Variants in UNC13C observed in about 807,000 individuals in gnomAD.
UNC13C encodes the protein unc-13 homolog C.
A neutral mutation model predicts 245.4 loss-of-function variants in UNC13C; 174 were observed. That is an observed-to-expected ratio of 0.71 (90% confidence interval 0.63 to 0.80). UNC13C has a LOEUF of 0.80. UNC13C is among the 30% of genes least tolerant of loss of function. The pLI is 0.00. For synonymous variants in UNC13C, 992 were observed against 895.1 expected (o/e 1.11, Z -1.93); for missense variants, 2,829 against 2,602.9 (o/e 1.09, Z -1.89).
intron 17 of UNC13C, among the ~76,000 whole-genome samples, chr15:54,379,030 T>C (rs2140895806): frequency 6.6e-6 from 1 of 152,156 alleles, no homozygotes; most frequent in African/African-American, 2.4e-5. Flanking sequence ...AATACTCTAA[T>C]ATATGGAAAT....
chr15:54,525,724 T>A, intron 25 of UNC13C, 87 bp downstream of exon 25: 1 of 1,087,398 alleles, frequency 9.2e-7, no homozygotes, highest in Non-Finnish European at 1.4e-6. Context: ...TTCCTCTGAC[T>A]GACTAAATCT....
At chr15:54,588,483 T>C (rs928326416) in intron 30 of UNC13C, among the ~76,000 whole-genome samples, 2 of 152,186 alleles carry the variant, frequency 1.3e-5, no homozygotes, top group Non-Finnish European at 2.9e-5. Flanking sequence ...GCCTAGTGCA[T>C]AACAAATACT....
chr15:54,194,670 A>C, intron 4 of UNC13C, among the ~76,000 whole-genome samples: 1 of 152,082 alleles, frequency 6.6e-6, no homozygotes, highest in East Asian at 1.9e-4. Flanking sequence ...TGACTGCTGA[A>C]GTAGGACTCA....
intron 15 of UNC13C, 107 bp from the exon 16 acceptor site, chr15:54,333,660 A>G (rs2038498564): frequency 6.0e-6 from 4 of 666,392 alleles, no homozygotes; most frequent in African/African-American, 1.8e-5. Flanking sequence ...TTAAAATTGT[A>G]TACAGTTTAC....
chr15:54,611,285 A>G (rs1460092391), intron 30 of UNC13C, among the ~76,000 whole-genome samples: 1 of 152,204 alleles, frequency 6.6e-6, no homozygotes, highest in East Asian at 1.9e-4. Flanking sequence ...TTAGGATTGA[A>G]TTTAAAATTT....
intron 2 of UNC13C, among the ~76,000 whole-genome samples, chr15:54,065,298 C>T (rs1027808016): frequency 6.6e-6 from 1 of 152,190 alleles, no homozygotes; most frequent in African/African-American, 2.4e-5. Flanking sequence ...TGCCAACAGC[C>T]TTAGTTTCCC....
chr15:54,594,027 G>A (rs1367548820), intron 30 of UNC13C, among the ~76,000 whole-genome samples: 1 of 152,184 alleles, frequency 6.6e-6, no homozygotes, highest in African/African-American at 2.4e-5. Context: ...TTCCCTTGAT[G>A]TAGTACTCTC....
chr15:54,450,254 G>C (rs973686647), intron 19 of UNC13C, among the ~76,000 whole-genome samples: 39 of 152,236 alleles, frequency 2.6e-4, no homozygotes, highest in Middle Eastern at 3.2e-3. Context: ...TCCGTTCTCA[G>C]ATCTCAAACA....
At chr15:54,426,236 AG>A (rs944184247) in intron 19 of UNC13C, among the ~76,000 whole-genome samples, 4 of 150,828 alleles carry the variant, frequency 2.7e-5, no homozygotes, top group African/African-American at 9.7e-5. Flanking sequence ...TCTGTCCTAG[AG>A]TCTCTTACAG....
chr15:54,605,381 C>T (rs1899712256), intron 30 of UNC13C, among the ~76,000 whole-genome samples: 1 of 152,170 alleles, frequency 6.6e-6, no homozygotes, highest in Non-Finnish European at 1.5e-5. Context: ...TATTTCCTAT[C>T]ATAGCACAGA....
At chr15:54,431,102 T>TGACG (rs1567266002) in intron 19 of UNC13C, among the ~76,000 whole-genome samples, 1 of 151,804 alleles carries the variant, frequency 6.6e-6, no homozygotes, top group East Asian at 1.9e-4. Context: ...TAATTATTGC[T>TGACG]GACGGAGTAC....
intron 19 of UNC13C, among the ~76,000 whole-genome samples, chr15:54,457,043 A>G (rs142826998): frequency 1.4e-3 from 215 of 152,182 alleles, no homozygotes; most frequent in African/African-American, 4.4e-3. Context: ...TTACCTTAAA[A>G]TATGTCCCTT....
intron 4 of UNC13C, among the ~76,000 whole-genome samples, chr15:54,223,122 G>A (rs1035611180): frequency 7.9e-5 from 12 of 151,976 alleles, no homozygotes; most frequent in African/African-American, 2.9e-4. Flanking sequence ...GTCCATTTTT[G>A]CTTTGGTTGC....
chr15:53,840,908 A>C, the UNC13C span, among the ~76,000 whole-genome samples: 1 of 152,278 alleles, frequency 6.6e-6, no homozygotes, highest in East Asian at 1.9e-4. Context: ...GAGGCATAGC[A>C]TGGGTACATC....
Position 54,013,131 on chromosome 15 carries a change from C to G in UNC13C, c.228C>G (p.Ser76=). 1.2e-6 allele frequency: 2 copies of G among 1,613,888 alleles called. No homozygotes were observed. Among genetic ancestry groups the G allele is most frequent in the Non-Finnish European group, 1.7e-6 (2 of 1,179,858 alleles). ...AGTGTTCATCCACTCACAACTTATC[C>G]ACTGAGGAAGACGAGGCCAGTAAAG... ...IAKCSSTHNL[S]TEEDEASKEF... The change falls in exon 2 of 33, where the codon TCC becomes TCG. Residue 76 remains serine, a synonymous_variant. Coordinates refer to ENST00000260323, the MANE Select transcript of UNC13C (RefSeq NM_001080534.3).
intron 19 of UNC13C, among the ~76,000 whole-genome samples, chr15:54,443,254 T>TA (rs990485322): frequency 1.3e-5 from 2 of 152,148 alleles, no homozygotes; most frequent in Non-Finnish European, 2.9e-5. Context: ...GTATCAGTTA[T>TA]AATGTCTCTT....
intron 2 of UNC13C, among the ~76,000 whole-genome samples, chr15:54,028,684 C>CTTCTTTT (rs1896223945): frequency 1.1e-5 from 1 of 87,082 alleles, no homozygotes; most frequent in Non-Finnish European, 2.0e-5. Context: ...GCCTACAAGT[C>CTTCTTTT]TTTTTTTTTT....
At chr15:54,216,476 G>C (rs950114303) in intron 4 of UNC13C, among the ~76,000 whole-genome samples, 2 of 151,852 alleles carry the variant, frequency 1.3e-5, no homozygotes, top group Non-Finnish European at 2.9e-5. Flanking sequence ...TGGCATGTTT[G>C]TGAAACTATG....
chr15:54,230,272 T>C (rs1215055512), intron 4 of UNC13C, among the ~76,000 whole-genome samples: 1 of 152,156 alleles, frequency 6.6e-6, no homozygotes, highest in East Asian at 1.9e-4. Flanking sequence ...ATTATTTTCA[T>C]GATAACTCTT....
Sources: allele counts gnomAD v4.1 joint callset (sites outside exome capture counted in the v4.1 genomes callset), GRCh38; gene constraint gnomAD v4.1.1; transcripts MANE v1.5; gene names NCBI Gene and HGNC (gene_info 2026-07-23, HGNC 2026-07-21).